The following ULK4 variants were observed in gnomAD, a reference collection of about 807,000 sequenced individuals.
The protein encoded by ULK4 is inactive serine/threonine-protein kinase ULK4.
ULK4 carries 133 observed loss-of-function variants against 160.6 expected under a neutral mutation model. The observed-to-expected ratio is 0.83, with a 90% CI of 0.72 to 0.96. The LOEUF (loss-of-function observed/expected upper bound fraction) is 0.96, where lower values mean the gene tolerates loss of function less well. ULK4 is among the 40% of genes least tolerant of loss of function. The pLI, the probability that ULK4 is intolerant of heterozygous loss-of-function variation, is 0.00. For synonymous variants in ULK4, 534 were observed against 539.8 expected, an observed-to-expected ratio of 0.99 and a Z score of 0.15; for missense variants, 1,580 against 1,499.5, an observed-to-expected ratio of 1.05 and a Z score of -0.89.
chr3:41,754,408 A>C lies in ULK4; in HGVS notation c.2274T>G (p.Tyr758Ter), dbSNP rs377580198. The C allele has an allele frequency of 6.2e-7, 1 of 1,613,750 alleles. No homozygotes were observed. ...IRAKAFLVLL[Y>*]ILIYNREMLL... ...ACATCTCACGGTTATAAATCAAAATATATAGAAGAACCAGGAAGGCTTTTG... is the reference window on the plus strand; with the variant it reads ...ACATCTCACGGTTATAAATCAAAATCTATAGAAGAACCAGGAAGGCTTTTG... Residue 758 changes from tyrosine to a stop codon, truncating the protein, a stop_gained, in exon 22 of 37, where the codon TAT becomes TAG. Coordinates refer to ENST00000301831, the MANE Select transcript of ULK4 (RefSeq NM_017886.4). LOFTEE classifies it high-confidence loss of function.
At chr3:41,668,341 C>G (rs967638223) in intron 29 of ULK4, among the ~76,000 whole-genome samples, 4 of 152,218 alleles carry the variant, frequency 2.6e-5, no homozygotes, top group South Asian at 2.1e-4. Context: ...CAGTCATGTG[C>G]CACATAATGA....
chr3:41,863,632 A>C (rs1250085719), intron 17 of ULK4, among the ~76,000 whole-genome samples: 1 of 151,982 alleles, frequency 6.6e-6, no homozygotes, highest in African/African-American at 2.4e-5. Context: ...CTGGTTATTC[A>C]GGGCCCAAAG....
intron 28 of ULK4, 44 bp from the exon 29 acceptor site, chr3:41,681,696 CA>C (rs759096547): frequency 1.5e-5 from 25 of 1,613,726 alleles, no homozygotes; most frequent in Non-Finnish European, 2.1e-5. Context: ...TCCATGGAGA[CA>C]GAATGAAAAT....
In ULK4 at chr3:41,390,772, G is replaced by A. The variant is rs184188543; in HGVS notation, c.3678+7307C>T. ...TCTGTTCTTTTACATTTGCTGAGGAGTGCTTTACTTCCAACTATGTGGTCT... is the reference window on the plus strand; with the variant it reads ...TCTGTTCTTTTACATTTGCTGAGGAATGCTTTACTTCCAACTATGTGGTCT... On this transcript the variant is annotated intron_variant, in intron 35 of 36. Transcript: ENST00000301831. 3.8e-3 allele frequency among the ~76,000 whole-genome samples: 571 copies of A among 152,214 alleles called. 4 individuals carry two copies. Among genetic ancestry groups the A allele is most frequent in the African/African-American group, 0.011 (475 of 41,536 alleles).
At chr3:41,889,784 C>T (rs1353815694) in intron 16 of ULK4, among the ~76,000 whole-genome samples, 1 of 152,176 alleles carries the variant, frequency 6.6e-6, no homozygotes, top group Admixed American at 6.5e-5. Flanking sequence ...GAAATAAAAA[C>T]GTATGTTCAC....
chr3:41,427,061 T>C (rs903732575), intron 34 of ULK4, among the ~76,000 whole-genome samples: 1 of 151,792 alleles, frequency 6.6e-6, no homozygotes, highest in Non-Finnish European at 1.5e-5. Flanking sequence ...ATAGACACAA[T>C]AAAAAATGAT....
chr3:41,300,836 ATTAT>A (rs1375521298), intron 35 of ULK4, among the ~76,000 whole-genome samples: 1,961 of 79,344 alleles, frequency 0.025, 133 homozygotes, highest in Middle Eastern at 0.035. Context: ...CATTTTACAG[ATTAT>A]ATATATATAT....
In ULK4 at chr3:41,506,767, A is replaced by AATATATATATATATATAT. The variant is rs71075470; in HGVS notation, c.3227-43532_3227-43515dup. ...AGCAATACACTGGAGTGTGATTTAAAATATATATATATATATATATATATA... is the reference window on the plus strand; with the variant it reads ...AGCAATACACTGGAGTGTGATTTAAAATATATATATATATATATATATATATATATATATATATATATA... On this transcript the variant is annotated intron_variant, in intron 32 of 36. Coordinates refer to ENST00000301831, the MANE Select transcript of ULK4 (RefSeq NM_017886.4). Among the ~76,000 whole-genome samples, 79 of 56,766 alleles carry AATATATATATATATATAT rather than the reference A, an allele frequency of 1.4e-3. 1 individual carries two copies. Among genetic ancestry groups the AATATATATATATATATAT allele is most frequent in the African/African-American group, 3.3e-3 (40 of 12,232 alleles). The allele number at this position is 56,766 out of a possible 152,430, so 37.2% of individuals were successfully genotyped here.
At chr3:41,589,038 A>G (rs2031049863) in intron 31 of ULK4, among the ~76,000 whole-genome samples, 1 of 152,092 alleles carries the variant, frequency 6.6e-6, no homozygotes, top group South Asian at 2.1e-4. Flanking sequence ...ATATTCTTGG[A>G]CTTCACCTTC....
intron 22 of ULK4, among the ~76,000 whole-genome samples, chr3:41,733,035 T>C (rs1293101122): frequency 2.0e-5 from 3 of 152,252 alleles, no homozygotes; most frequent in East Asian, 1.9e-4. Flanking sequence ...TCGTGTTCTA[T>C]TGCACAGTAA....
chr3:41,862,105 C>T (rs764442775), intron 17 of ULK4, among the ~76,000 whole-genome samples: 4 of 152,132 alleles, frequency 2.6e-5, no homozygotes, highest in Non-Finnish European at 4.4e-5. Context: ...CTGCACCCAG[C>T]CTGGGTATTT....
intron 35 of ULK4, among the ~76,000 whole-genome samples, chr3:41,344,752 C>CA (rs59466358): frequency 0.03 from 1,858 of 62,304 alleles, 52 homozygotes; most frequent in African/African-American, 0.063. Flanking sequence ...GACTCTGTCT[C>CA]AAAAAAAAAA....
chr3:41,723,270 G>A (rs2037537791), intron 22 of ULK4, among the ~76,000 whole-genome samples: 1 of 152,068 alleles, frequency 6.6e-6, no homozygotes, highest in Non-Finnish European at 1.5e-5. Flanking sequence ...TGAAATGCCT[G>A]TTCAGGTCTT....
At chr3:41,352,679 T>C (rs9311270) in intron 35 of ULK4, among the ~76,000 whole-genome samples, 82,245 of 151,906 alleles carry the variant, frequency 0.54, 24,166 homozygotes, top group African/African-American at 0.79. Context: ...GGACAGTCAC[T>C]TTTTGATTTG....
intron 30 of ULK4, among the ~76,000 whole-genome samples, chr3:41,626,712 G>A (rs2033528522): frequency 6.6e-6 from 1 of 151,910 alleles, no homozygotes; most frequent in Non-Finnish European, 1.5e-5. Flanking sequence ...ACTTTTAGTA[G>A]AGACGGGGTT....
Position 41,767,245 on chromosome 3 carries a change from G to A in ULK4, c.2194-12757C>T, listed in dbSNP as rs150411434. On this transcript the variant is annotated intron_variant, in intron 21 of 36. Transcript: ENST00000301831. ...TCTTCACAAAAATGTATTCATGTAAGTTACAAAAACTCTGCAAAATACCGA... is the reference window on the plus strand; with the variant it reads ...TCTTCACAAAAATGTATTCATGTAAATTACAAAAACTCTGCAAAATACCGA... Among the ~76,000 whole-genome samples, 998 of 152,220 alleles carry A rather than the reference G, an allele frequency of 6.6e-3. 9 individuals are homozygous for A. Among genetic ancestry groups the A allele is most frequent in the African/African-American group, 0.023 (963 of 41,532 alleles).
At chr3:41,803,541 T>G (rs149455585) in intron 19 of ULK4, among the ~76,000 whole-genome samples, 18,820 of 152,168 alleles carry the variant, frequency 0.12, 1,342 homozygotes, top group Middle Eastern at 0.27. Flanking sequence ...ATGTGCAGGT[T>G]AGTTACATAT....
At chr3:41,431,866 C>T (rs528552112) in intron 34 of ULK4, among the ~76,000 whole-genome samples, 16 of 150,488 alleles carry the variant, frequency 1.1e-4, no homozygotes, top group African/African-American at 2.2e-4. Flanking sequence ...CTCGGTTCAC[C>T]GCAAGCTCCG....
rs558836309 is a variant in ULK4, at chr3:41,738,757, G to T, written c.2321+15604C>A. 2.6e-5 allele frequency among the ~76,000 whole-genome samples: 4 copies of T among 151,942 alleles called. No individual in the cohort carries two copies. In the South Asian group the frequency reaches 6.2e-4, roughly 24 times the overall value. ...AAAAAAGAGGCACAATGTTTGGTGG[G>T]TTTTTGTGAATTAAGAGGTAAAACA... On this transcript the variant is annotated intron_variant, in intron 22 of 36. Coordinates refer to ENST00000301831, the MANE Select transcript of ULK4 (RefSeq NM_017886.4).
Sources: allele counts gnomAD v4.1 joint callset (sites outside exome capture counted in the v4.1 genomes callset), GRCh38; gene constraint gnomAD v4.1.1; transcripts MANE v1.5; gene names NCBI Gene and HGNC (gene_info 2026-07-23, HGNC 2026-07-21).